HCN1: variants seen among roughly 807,000 people sequenced by gnomAD.
HCN1 encodes potassium/sodium hyperpolarization-activated cyclic nucleotide-gated channel 1.
Under a neutral mutation model 78.9 loss-of-function variants are expected in HCN1, and 13 were observed. That is an observed-to-expected ratio of 0.16 (90% CI 0.11 to 0.26). The LOEUF (loss-of-function observed/expected upper bound fraction) is 0.26. Among genes scored for constraint, HCN1 ranks in the 10% least tolerant of loss-of-function variants. The pLI is 1.00. For synonymous variants in HCN1, 552 were observed against 455.5 expected (o/e 1.21, Z -2.70); for missense variants, 810 against 1,154.3 (o/e 0.70, Z 4.32).
chr5:45,592,036 C>T (rs1744375275), intron 2 of HCN1, among the ~76,000 whole-genome samples: 1 of 151,920 alleles, frequency 6.6e-6, no homozygotes. Flanking sequence ...GTTCCAGCAC[C>T]ATTTGTTGAA....
intron 2 of HCN1, among the ~76,000 whole-genome samples, chr5:45,638,688 A>C (rs1023395935): frequency 6.6e-6 from 1 of 152,170 alleles, no homozygotes; most frequent in Admixed American, 6.5e-5. Flanking sequence ...AGATCACCTG[A>C]GGTCAGGAGT....
intron 2 of HCN1, among the ~76,000 whole-genome samples, chr5:45,546,172 C>T (rs1561196037): frequency 6.6e-6 from 1 of 151,932 alleles, no homozygotes; most frequent in Admixed American, 6.6e-5. Context: ...AAATGCATAA[C>T]AATTCTTCAT....
chr5:45,326,112 A>T (rs1746229034), intron 5 of HCN1, among the ~76,000 whole-genome samples: 1 of 151,610 alleles, frequency 6.6e-6, no homozygotes, highest in Admixed American at 6.6e-5. Flanking sequence ...ATTTGAAAAC[A>T]AAAGGACCAC....
rs759096969 is a variant in HCN1 at position 45,695,662 on chromosome 5, C to G, written c.425+7G>C. The G allele has an allele frequency of 6.2e-7, 1 of 1,611,026 alleles. No homozygotes were observed. Among genetic ancestry groups the G allele is most frequent in the Non-Finnish European group, 8.5e-7 (1 of 1,178,938 alleles). Reference sequence around the variant, plus strand: ...GGGAGGGTGGGGCGGCGACCGGGAGCCCTCACCTGAAATCACTGTAAGGGT... The same window carrying G: ...GGGAGGGTGGGGCGGCGACCGGGAGGCCTCACCTGAAATCACTGTAAGGGT... On this transcript the variant is annotated splice_region_variant and intron_variant, in intron 1 of 7. Transcript: ENST00000303230.
intron 3 of HCN1, among the ~76,000 whole-genome samples, chr5:45,424,875 T>A (rs535697166): frequency 6.6e-6 from 1 of 152,330 alleles, no homozygotes; most frequent in South Asian, 2.1e-4. Context: ...TACATGCATA[T>A]ACATATACAC....
At chr5:45,515,432 T>A (rs957562641) in intron 2 of HCN1, among the ~76,000 whole-genome samples, 1 of 152,012 alleles carries the variant, frequency 6.6e-6, no homozygotes, top group Non-Finnish European at 1.5e-5. Context: ...TATTTGTTGA[T>A]GTCTTAGAGA....
chr5:45,258,227 A>G lies in HCN1; in HGVS notation c.*3694T>C, dbSNP rs1744660228. The G allele has an allele frequency of 6.6e-6, 1 of 152,200 alleles. No individual in the cohort carries two copies. The allele number at this position is 152,200 out of a possible 1,614,324, so 9.4% of individuals were successfully genotyped here. On this transcript the variant is annotated 3_prime_UTR_variant, in exon 8 of 8. Transcript: ENST00000303230. The stretch of plus-strand genomic sequence containing the variant: ...TCCTGAAAGATAATAGAGATTGCTC[A>G]TAATTTGAAGTAGACATAATTCAGG...
chr5:45,520,648 T>C (rs1742597186), intron 2 of HCN1, among the ~76,000 whole-genome samples: 1 of 152,038 alleles, frequency 6.6e-6, no homozygotes, highest in Non-Finnish European at 1.5e-5. Context: ...ATCCAAAGTT[T>C]CTCTTTTGTA....
intron 2 of HCN1, among the ~76,000 whole-genome samples, chr5:45,471,518 A>C (rs1245494429): frequency 6.6e-6 from 1 of 151,892 alleles, no homozygotes; most frequent in Non-Finnish European, 1.5e-5. Context: ...GTTCTGTCTT[A>C]ACGAGTTCCT....
chr5:45,523,362 G>T lies in HCN1; in HGVS notation c.850-61355C>A, dbSNP rs1579947707. On this transcript the variant is annotated intron_variant, in intron 2 of 7. Coordinates refer to ENST00000303230, the MANE Select transcript of HCN1 (RefSeq NM_021072.4). ...ATAGCAGCATGATTTATAGTCCTTT[G>T]GGTATATACTCAGTAATGGGATGGC... Among the ~76,000 whole-genome samples the T allele has an allele frequency of 3.3e-5, 5 of 151,940 alleles. 1 individual carries two copies. The South Asian group carries it at 1.0e-3, about 32-fold the overall frequency.
intron 2 of HCN1, among the ~76,000 whole-genome samples, chr5:45,545,608 T>G (rs1283211913): frequency 2.6e-5 from 4 of 152,178 alleles, no homozygotes; most frequent in Admixed American, 2.6e-4. Context: ...TTAATCCATC[T>G]TGAATTAATT....
At position 45,539,919 on chromosome 5, in the gene HCN1, G is replaced by GATATATATAT. The variant is rs66934051; in HGVS notation, c.850-77922_850-77913dup. Among the ~76,000 whole-genome samples the GATATATATAT allele has an allele frequency of 1.8e-3, 229 of 126,038 alleles. 1 individual carries two copies. The highest frequency in any genetic ancestry group is 7.4e-3 in the African/African-American group (221 of 29,912). The allele number at this position is 126,038 out of a possible 152,430, so 82.7% of individuals were successfully genotyped here. ...GAAATCCCATTGTTTTAAATTGTGA[G>GATATATATAT]ATATATATATATATATATATATATA... On this transcript the variant is annotated intron_variant, in intron 2 of 7. Transcript: ENST00000303230.
At chr5:45,527,769 G>A (rs931760024) in intron 2 of HCN1, among the ~76,000 whole-genome samples, 1 of 151,970 alleles carries the variant, frequency 6.6e-6, no homozygotes, top group Non-Finnish European at 1.5e-5. Context: ...CGAGGGGACT[G>A]AAGGCAGACA....
chr5:45,341,985 T>TA (rs527467616), intron 5 of HCN1, among the ~76,000 whole-genome samples: 11 of 152,002 alleles, frequency 7.2e-5, no homozygotes, highest in Non-Finnish European at 1.0e-4. Context: ...TTCCTAATAT[T>TA]AAAAAAATCT....
At chr5:45,446,293 G>A (rs1356356516) in intron 3 of HCN1, among the ~76,000 whole-genome samples, 2 of 152,128 alleles carry the variant, frequency 1.3e-5, no homozygotes, top group Admixed American at 6.6e-5. Context: ...TATGAGTGAC[G>A]GAAGATCAAA....
At chr5:45,372,717 AAAT>A (rs1309930528) in intron 4 of HCN1, among the ~76,000 whole-genome samples, 1 of 143,404 alleles carries the variant, frequency 7.0e-6, no homozygotes, top group East Asian at 2.1e-4. Context: ...TTATATATAA[AAAT>A]ATATACGTAT....
At chr5:45,640,250 G>C (rs563779298) in intron 2 of HCN1, among the ~76,000 whole-genome samples, 1 of 152,138 alleles carries the variant, frequency 6.6e-6, no homozygotes, top group African/African-American at 2.4e-5. Flanking sequence ...AGTGAAGAAC[G>C]GATACTCTCT....
intron 1 of HCN1, among the ~76,000 whole-genome samples, chr5:45,665,415 T>A (rs574660324): frequency 2.8e-3 from 417 of 151,554 alleles, no homozygotes; most frequent in African/African-American, 9.4e-3. Context: ...AACCTGCACA[T>A]TGTGCACATG....
At chr5:45,636,266 ACT>A (rs1745355696) in intron 2 of HCN1, among the ~76,000 whole-genome samples, 1 of 152,150 alleles carries the variant, frequency 6.6e-6, no homozygotes, top group Admixed American at 6.6e-5. Context: ...ATTATAAAAC[ACT>A]CTGGCAATTA....
Sources: gnomAD v4.1 joint callset for allele counts (sites outside exome capture counted in the v4.1 genomes callset) on GRCh38, gnomAD v4.1.1 for gene constraint, MANE v1.5 for transcripts, NCBI Gene and HGNC (gene_info 2026-07-23, HGNC 2026-07-21) for gene names.